The following CEP97 variants were observed in gnomAD, a reference collection of about 807,000 sequenced individuals.
The protein encoded by CEP97 is centrosomal protein of 97 kDa.
CEP97 carries 43 observed loss-of-function variants against 73.1 expected under a neutral mutation model. The observed-to-expected ratio is 0.59, with a 90% CI of 0.46 to 0.76. The LOEUF (loss-of-function observed/expected upper bound fraction) is 0.76. Ranked by LOEUF, CEP97 falls within the 30% of genes least tolerant of loss-of-function variation. CEP97 has a pLI of 0.00. For missense variants in CEP97, 939 were observed against 1,014.0 expected (o/e 0.93, Z 1.00); for synonymous variants, 337 against 370.0 (o/e 0.91, Z 1.02).
In CEP97 at chr3:101,769,317, T is replaced by A. The variant is rs1231665607; in HGVS notation, c.*3766T>A. The A allele has an allele frequency of 2.0e-5, 3 of 151,966 alleles. No homozygotes were observed. The highest frequency in any genetic ancestry group is 4.2e-4 in the South Asian group (2 of 4,806). The allele number at this position is 151,966 out of a possible 1,614,324, so 9.4% of individuals were successfully genotyped here. On this transcript the variant is annotated 3_prime_UTR_variant, in exon 11 of 11. Coordinates refer to ENST00000341893, the MANE Select transcript of CEP97 (RefSeq NM_024548.4). ...ATCATAAAGGAAAGAAGAGACTTCA[T>A]TGTGTGTGTGTTTTTTTTTTTTTTT...
At chr3:101,763,302 A>G in intron 10 of CEP97, 1 of 856,156 alleles carries the variant, frequency 1.2e-6, no homozygotes, top group Non-Finnish European at 1.5e-6. Context: ...TGGTTAAATT[A>G]TAGAATAATA....
intron 6 of CEP97, among the ~76,000 whole-genome samples, chr3:101,751,167 T>C (rs745815555): frequency 6.6e-6 from 1 of 152,252 alleles, no homozygotes. Flanking sequence ...CATTTCGTTA[T>C]GTACCCAGTA....
At position 101,728,851 on chromosome 3, in the gene CEP97, A is replaced by T; in HGVS notation, c.361A>T (p.Asn121Tyr). 6.2e-7 allele frequency: 1 copy of T among 1,605,784 alleles called. No individual in the cohort carries two copies. The highest frequency in any genetic ancestry group is 2.2e-5 in the East Asian group (1 of 44,844). Residue 121 changes from asparagine (N) to tyrosine (Y), a missense_variant, in exon 4 of 11, where the codon AAT becomes TAT. Coordinates refer to ENST00000341893, the MANE Select transcript of CEP97 (RefSeq NM_024548.4). The stretch of plus-strand genomic sequence containing the variant: ...CTTGTGATAGGCCATGGAACAGATC[A>T]ATAGCTGCACAGCTCTACAGCATCT... The part of the protein sequence containing the change: ...GNNLKAMEQI[N>Y]SCTALQHLDL...
At chr3:101,754,126 A>G (rs1460443383) in intron 6 of CEP97, among the ~76,000 whole-genome samples, 1 of 147,642 alleles carries the variant, frequency 6.8e-6, no homozygotes, top group African/African-American at 2.5e-5. Context: ...GGGCTCAAGC[A>G]ATCCTCCCAC....
At chr3:101,763,167 T>G (rs1446219018) in intron 10 of CEP97, 8 of 1,268,028 alleles carry the variant, frequency 6.3e-6, no homozygotes, top group Non-Finnish European at 8.2e-6. Context: ...CAAGCAGTCT[T>G]CCCTCCTCAG....
In CEP97 at chr3:101,764,906, T is replaced by C. The variant is rs1385751056; in HGVS notation, c.1953T>C (p.Thr651=). The C allele has an allele frequency of 6.2e-7, 1 of 1,614,152 alleles. No homozygotes were observed. The highest frequency in any genetic ancestry group is 2.2e-5 in the East Asian group (1 of 44,886). Residue 651 remains threonine, a synonymous_variant, in exon 11 of 11, where the codon ACT becomes ACC. Coordinates refer to ENST00000341893, the MANE Select transcript of CEP97 (RefSeq NM_024548.4). The part of the protein sequence containing the change: ...TVDQRLSSWH[T]DVPPISSTLV... Reference sequence around the variant, plus strand: ...ACCAGCGTCTAAGTTCCTGGCATACTGATGTTCCTCCTATATCAAGTACTC... The same window carrying C: ...ACCAGCGTCTAAGTTCCTGGCATACCGATGTTCCTCCTATATCAAGTACTC...
At chr3:101,748,222 G>A (rs1938687098) in intron 6 of CEP97, among the ~76,000 whole-genome samples, 1 of 150,546 alleles carries the variant, frequency 6.6e-6, no homozygotes, top group Admixed American at 6.6e-5. Flanking sequence ...TTAATTGACA[G>A]GGAGTTTTTG....
chr3:101,745,847 T>C (rs1421897036), intron 6 of CEP97, among the ~76,000 whole-genome samples: 2 of 152,124 alleles, frequency 1.3e-5, no homozygotes, highest in African/African-American at 4.8e-5. Flanking sequence ...GCTGGTGTGC[T>C]ACACCCACTA....
chr3:101,761,386 G>A (rs1939172620), intron 9 of CEP97, among the ~76,000 whole-genome samples: 1 of 152,146 alleles, frequency 6.6e-6, no homozygotes. Flanking sequence ...GACATGGGGT[G>A]GATTATTGTT....
chr3:101,735,866 AG>A (rs2107142265), intron 6 of CEP97, among the ~76,000 whole-genome samples: 1 of 152,236 alleles, frequency 6.6e-6, no homozygotes, highest in Admixed American at 6.5e-5. Context: ...TCCTCTGGAA[AG>A]GGGGCTGAAG....
Position 101,727,461 on chromosome 3 carries a change from C to T in CEP97, c.265C>T (p.His89Tyr), listed in dbSNP as rs191543705. ...LTLLRVLNLP[H>Y]NSIGCVEGLK... is the part of the protein sequence containing the mutation. ...GTTGCTTCGTGTATTAAATTTGCCT[C>T]ATAATAGCATTGGCTGTGTGGAAGG... Residue 89 changes from histidine to tyrosine, a missense_variant, in exon 3 of 11, where the codon CAT becomes TAT. Coordinates refer to ENST00000341893, the MANE Select transcript of CEP97 (RefSeq NM_024548.4). 2.5e-5 allele frequency: 40 copies of T among 1,613,880 alleles called. No homozygotes were observed. The Admixed American group carries it at 5.2e-4, about 21-fold the overall frequency.
intron 4 of CEP97, among the ~76,000 whole-genome samples, chr3:101,729,841 C>T (rs911940109): frequency 6.6e-6 from 1 of 151,892 alleles, no homozygotes; most frequent in Non-Finnish European, 1.5e-5. Flanking sequence ...TGGCTCACTG[C>T]AACCCAAGCA....
intron 7 of CEP97, 106 bp from the exon 8 acceptor site, chr3:101,756,957 T>C: frequency 9.5e-7 from 1 of 1,054,676 alleles, no homozygotes. Flanking sequence ...AGTACCTACT[T>C]TGAGAACTTG....
chr3:101,769,769 C>G lies in CEP97; in HGVS notation c.*4218C>G, dbSNP rs1185575994. On this transcript the variant is annotated 3_prime_UTR_variant, in exon 11 of 11. Transcript: ENST00000341893. ...TGATACCCTCATTCATGAAGTGAAG[C>G]AGAAAGGGTCTGTAAGGAACATTCT... The G allele has an allele frequency of 6.6e-6, 1 of 152,110 alleles. No individual in the cohort carries two copies. The highest frequency in any genetic ancestry group is 1.5e-5 in the Non-Finnish European group (1 of 68,028). 9.4% of individuals were successfully genotyped at this position (152,110 alleles called of 1,614,324 possible). A position where few individuals can be genotyped will look rare whatever the true frequency, so the allele number is the denominator to read the frequency against.
chr3:101,752,262 C>G (rs1191885684), intron 6 of CEP97, among the ~76,000 whole-genome samples: 4 of 152,168 alleles, frequency 2.6e-5, no homozygotes, highest in Non-Finnish European at 5.9e-5. Flanking sequence ...GCCGAGAGAT[C>G]CGCTGTTAGT....
chr3:101,739,046 T>C (rs1468856975), intron 6 of CEP97, among the ~76,000 whole-genome samples: 1 of 152,138 alleles, frequency 6.6e-6, no homozygotes, highest in Non-Finnish European at 1.5e-5. Flanking sequence ...TAAACACCTC[T>C]ACACAAATAA....
chr3:101,766,258 A>G lies in CEP97; in HGVS notation c.*707A>G, dbSNP rs1240520566. 1 of 152,266 alleles carries G rather than the reference A, an allele frequency of 6.6e-6. No homozygotes were observed. The highest frequency in any genetic ancestry group is 1.5e-5 in the Non-Finnish European group (1 of 68,028). The allele number at this position is 152,266 out of a possible 1,614,324, so 9.4% of individuals were successfully genotyped here. A position where few individuals can be genotyped will look rare whatever the true frequency, so the allele number is the denominator to read the frequency against. On this transcript the variant is annotated 3_prime_UTR_variant, in exon 11 of 11. Transcript: ENST00000341893. ...AAGTTTACTTAGGCAACACAAGAAT[A>G]TTTCACTTAGATATGAAGAAAGGAA...
At chr3:101,735,394 G>T (rs1326174343) in intron 6 of CEP97, among the ~76,000 whole-genome samples, 1 of 152,178 alleles carries the variant, frequency 6.6e-6, no homozygotes, top group East Asian at 1.9e-4. Flanking sequence ...AGTGTGTGGG[G>T]GGGTGGCTGG....
At chr3:101,752,500 G>T (rs550718072) in intron 6 of CEP97, among the ~76,000 whole-genome samples, 74 of 152,236 alleles carry the variant, frequency 4.9e-4, no homozygotes, top group Middle Eastern at 3.4e-3. Context: ...TTTCCAACTT[G>T]GTTCCATTCT....
Sources: gnomAD v4.1 joint callset for allele counts (sites outside exome capture counted in the v4.1 genomes callset) on GRCh38, gnomAD v4.1.1 for gene constraint, MANE v1.5 for transcripts, NCBI Gene and HGNC (gene_info 2026-07-23, HGNC 2026-07-21) for gene names.